The following CATSPERB variants were observed in gnomAD, a reference collection of about 807,000 sequenced individuals.
CATSPERB encodes the protein catsper channel auxiliary subunit beta, also known as cation channel sperm-associated auxiliary subunit beta.
Under a neutral mutation model 128.3 loss-of-function variants are expected in CATSPERB, and 93 were observed. That is an observed-to-expected ratio of 0.72 (90% confidence interval 0.61 to 0.86). The LOEUF is 0.86. Ranked by LOEUF, CATSPERB falls within the 40% of genes least tolerant of loss-of-function variation. The pLI, the probability that CATSPERB is intolerant of heterozygous loss-of-function variation, is 0.00. For synonymous variants in CATSPERB, 381 were observed against 448.8 expected (o/e 0.85, Z 1.91); for missense variants, 1,153 against 1,329.5 (o/e 0.87, Z 2.06).
intron 11 of CATSPERB, among the ~76,000 whole-genome samples, chr14:91,681,634 T>C (rs767139745): frequency 6.6e-6 from 1 of 152,236 alleles, no homozygotes; most frequent in Non-Finnish European, 1.5e-5. Context: ...TTACTAACCA[T>C]GCATCAGTTT....
chr14:91,617,462 C>T lies in CATSPERB; in HGVS notation c.2400+135G>A, dbSNP rs898586208. The T allele has an allele frequency of 9.3e-6, 5 of 540,284 alleles. No homozygotes were observed. In the East Asian group the frequency reaches 1.1e-4, roughly 12 times the overall value. 33.5% of individuals were successfully genotyped at this position (540,284 alleles called of 1,614,324 possible). Reference sequence around the variant, plus strand: ...CAACACTTTCTTCAATGTATTTATCCTTGTAACCCTATACTCTTATGTGTG... The same window carrying T: ...CAACACTTTCTTCAATGTATTTATCTTTGTAACCCTATACTCTTATGTGTG... On this transcript the variant is annotated intron_variant, in intron 20 of 26. Coordinates refer to ENST00000256343, the MANE Select transcript of CATSPERB (RefSeq NM_024764.4).
At chr14:91,651,422 C>T (rs1223773725) in intron 15 of CATSPERB, among the ~76,000 whole-genome samples, 1 of 152,208 alleles carries the variant, frequency 6.6e-6, no homozygotes, top group Admixed American at 6.5e-5. Context: ...ATTTTACTAT[C>T]ACTGTTGCTC....
chr14:91,719,507 T>C lies in CATSPERB; in HGVS notation c.310-29A>G, dbSNP rs201063436. 2.6e-6 allele frequency: 4 copies of C among 1,567,468 alleles called. No homozygotes were observed. In the East Asian group the frequency reaches 6.8e-5, roughly 26 times the overall value. ...GAATAAAGAAGACATCAGAAAACAA[T>C]GTTTTACAACATGAATAACAACACA... On this transcript the variant is annotated intron_variant, in intron 4 of 26. Coordinates refer to ENST00000256343, the MANE Select transcript of CATSPERB (RefSeq NM_024764.4).
intron 10 of CATSPERB, among the ~76,000 whole-genome samples, chr14:91,688,656 T>A (rs2139843032): frequency 6.6e-6 from 1 of 152,320 alleles, no homozygotes; most frequent in East Asian, 1.9e-4. Flanking sequence ...AGTTTCTTCA[T>A]CTTGATTTTC....
At chr14:91,681,964 C>A (rs1895288511) in intron 11 of CATSPERB, among the ~76,000 whole-genome samples, 1 of 152,222 alleles carries the variant, frequency 6.6e-6, no homozygotes, top group Admixed American at 6.5e-5. Flanking sequence ...CTATCCTTTT[C>A]TTAACATGAA....
intron 22 of CATSPERB, among the ~76,000 whole-genome samples, chr14:91,599,709 G>C (rs1054498589): frequency 3.3e-5 from 5 of 152,166 alleles, no homozygotes; most frequent in African/African-American, 1.2e-4. Flanking sequence ...TATATAAGAA[G>C]TACATTGGTT....
intron 21 of CATSPERB, among the ~76,000 whole-genome samples, chr14:91,609,533 T>G (rs1319472133): frequency 6.6e-6 from 1 of 152,214 alleles, no homozygotes; most frequent in African/African-American, 2.4e-5. Flanking sequence ...ATACTGTATC[T>G]TTACATTTGC....
intron 18 of CATSPERB, among the ~76,000 whole-genome samples, chr14:91,622,457 G>A (rs1171753356): frequency 6.6e-6 from 1 of 152,092 alleles, no homozygotes; most frequent in Non-Finnish European, 1.5e-5. Flanking sequence ...GGAATGGAAA[G>A]GGAAAAAGAT....
chr14:91,688,833 A>G (rs537001245), intron 10 of CATSPERB, among the ~76,000 whole-genome samples: 92 of 152,288 alleles, frequency 6.0e-4, no homozygotes, highest in Non-Finnish European at 8.5e-4. Context: ...AATGATGGTA[A>G]TCACAGAGTA....
intron 22 of CATSPERB, among the ~76,000 whole-genome samples, chr14:91,596,311 C>G (rs1388247523): frequency 6.6e-6 from 1 of 152,136 alleles, no homozygotes; most frequent in Non-Finnish European, 1.5e-5. Flanking sequence ...TCACGCCATT[C>G]TCCTTCCTCA....
At chr14:91,690,835 C>T (rs777098198) in intron 10 of CATSPERB, among the ~76,000 whole-genome samples, 1 of 152,234 alleles carries the variant, frequency 6.6e-6, no homozygotes, top group African/African-American at 2.4e-5. Flanking sequence ...GCGAGGGCCA[C>T]CTTTCTGGTC....
At position 91,638,481 on chromosome 14, in the gene CATSPERB, C is replaced by T. The variant is rs188183173; in HGVS notation, c.1587+615G>A. 1.1e-4 allele frequency among the ~76,000 whole-genome samples: 16 copies of T among 151,862 alleles called. No homozygotes were observed. In the East Asian group the frequency reaches 2.3e-3, roughly 22 times the overall value. On this transcript the variant is annotated intron_variant, in intron 16 of 26. Coordinates refer to ENST00000256343, the MANE Select transcript of CATSPERB (RefSeq NM_024764.4). ...GCACGATCACAGCTCACTTCAGCAGCGTGATCGCAGTTCACTTCAGCCTCA... is the reference window on the plus strand; with the variant it reads ...GCACGATCACAGCTCACTTCAGCAGTGTGATCGCAGTTCACTTCAGCCTCA...
Position 91,589,686 on chromosome 14 carries a change from A to G in CATSPERB, c.2821-17T>C. 6.2e-7 allele frequency: 1 copy of G among 1,607,400 alleles called. No homozygotes were observed. Among genetic ancestry groups the G allele is most frequent in the African/African-American group, 1.3e-5 (1 of 74,876 alleles). The stretch of plus-strand genomic sequence containing the variant: ...GCGAGGAACCTAAAATACAAATTCC[A>G]AGAATGAATGTAAACTTGGGAAAGT... On this transcript the variant is annotated splice_polypyrimidine_tract_variant and intron_variant, in intron 23 of 26. Coordinates refer to ENST00000256343, the MANE Select transcript of CATSPERB (RefSeq NM_024764.4).
intron 6 of CATSPERB, among the ~76,000 whole-genome samples, chr14:91,706,389 T>TCA (rs1265024292): frequency 1.3e-5 from 2 of 152,204 alleles, no homozygotes; most frequent in Non-Finnish European, 2.9e-5. Flanking sequence ...CCACTGGACA[T>TCA]CACGGAGCTG....
intron 11 of CATSPERB, among the ~76,000 whole-genome samples, chr14:91,677,277 G>A (rs185674934): frequency 0.012 from 1,634 of 136,598 alleles, 23 homozygotes; most frequent in Middle Eastern, 0.068. Context: ...ATCATTAGAG[G>A]GAACAGGCAA....
intron 21 of CATSPERB, among the ~76,000 whole-genome samples, chr14:91,609,563 T>A (rs1893782372): frequency 1.3e-5 from 2 of 152,216 alleles, no homozygotes; most frequent in Admixed American, 1.3e-4. Context: ...TCTGGCTTGA[T>A]GTACTATCTG....
At chr14:91,600,242 A>C (rs1893587254) in intron 22 of CATSPERB, among the ~76,000 whole-genome samples, 1 of 152,202 alleles carries the variant, frequency 6.6e-6, no homozygotes, top group African/African-American at 2.4e-5. Context: ...AATGCATGAG[A>C]GTTCCAGATT....
At chr14:91,674,250 A>C (rs752571356) in intron 11 of CATSPERB, 28 bp from the exon 12 acceptor site, 2 of 1,384,494 alleles carry the variant, frequency 1.4e-6, no homozygotes, top group East Asian at 2.3e-5. Flanking sequence ...GGGTACAGGA[A>C]TTATGAGCAT....
intron 17 of CATSPERB, among the ~76,000 whole-genome samples, chr14:91,633,463 T>G (rs1046659731): frequency 2.0e-5 from 3 of 152,090 alleles, no homozygotes; most frequent in Non-Finnish European, 4.4e-5. Context: ...AGTACAATCT[T>G]GTTAACAGAA....
Sources: allele counts gnomAD v4.1 joint callset (sites outside exome capture counted in the v4.1 genomes callset), GRCh38; gene constraint gnomAD v4.1.1; transcripts MANE v1.5; gene names NCBI Gene and HGNC (gene_info 2026-07-23, HGNC 2026-07-21).